Variants in ITSN2 observed in about 807,000 individuals in gnomAD.
ITSN2 encodes intersectin 2.
A neutral mutation model predicts 243.7 loss-of-function variants in ITSN2; 156 were observed. The observed-to-expected ratio is 0.64, with a 90% CI of 0.56 to 0.73. The LOEUF (loss-of-function observed/expected upper bound fraction) is 0.73, where lower values mean the gene tolerates loss of function less well. Ranked by LOEUF, ITSN2 falls within the 30% of genes least tolerant of loss-of-function variation. ITSN2 has a pLI of 0.00. For missense variants in ITSN2, 1,801 were observed against 1,996.1 expected (o/e 0.90, Z 1.86); for synonymous variants, 703 against 699.9 (o/e 1.00, Z -0.07).
intron 1 of ITSN2, among the ~76,000 whole-genome samples, chr2:24,350,757 T>C (rs977482675): frequency 5.3e-5 from 8 of 152,166 alleles, no homozygotes; most frequent in Non-Finnish European, 8.8e-5. Flanking sequence ...AAAGACCATA[T>C]ATTGTATAAT....
intron 20 of ITSN2, among the ~76,000 whole-genome samples, chr2:24,267,860 C>CT (rs1254685035): frequency 6.6e-6 from 1 of 152,158 alleles, no homozygotes; most frequent in Non-Finnish European, 1.5e-5. Context: ...TGGCCAAAAG[C>CT]TTTTAAAAGT....
intron 1 of ITSN2, among the ~76,000 whole-genome samples, chr2:24,346,611 T>C (rs1178074366): frequency 6.6e-6 from 1 of 152,190 alleles, no homozygotes; most frequent in African/African-American, 2.4e-5. Context: ...ATTCCTAACA[T>C]ATGTACCATA....
chr2:24,331,430 T>G (rs531901115), intron 1 of ITSN2, among the ~76,000 whole-genome samples: 2 of 152,140 alleles, frequency 1.3e-5, no homozygotes, highest in African/African-American at 2.4e-5. Context: ...TTGTTGTTTT[T>G]GGGGGAAGGG....
Position 24,208,380 on chromosome 2 carries a change from C to T in ITSN2, c.4596-61G>A, listed in dbSNP as rs1669132438. 4 of 1,245,126 alleles carry T rather than the reference C, an allele frequency of 3.2e-6. No homozygotes were observed. The Middle Eastern group carries it at 7.6e-4, about 236-fold the overall frequency. The allele number at this position is 1,245,126 out of a possible 1,614,324, so 77.1% of individuals were successfully genotyped here. On this transcript the variant is annotated intron_variant, in intron 36 of 39. Coordinates refer to ENST00000355123, the MANE Select transcript of ITSN2 (RefSeq NM_006277.3). The stretch of plus-strand genomic sequence containing the variant: ...CCACCCTCACAGGTCAGCGTGGAGC[C>T]CCAGAGCTCTGCACATGTTCTTCAG...
intron 17 of ITSN2, among the ~76,000 whole-genome samples, chr2:24,281,796 C>T (rs1267678023): frequency 6.6e-6 from 1 of 152,204 alleles, no homozygotes; most frequent in Admixed American, 6.5e-5. Flanking sequence ...AGCTATAAAC[C>T]TTGCCTCATT....
intron 31 of ITSN2, 40 bp from the exon 32 acceptor site, chr2:24,216,272 T>A: frequency 1.3e-6 from 2 of 1,487,874 alleles, no homozygotes; most frequent in East Asian, 2.5e-5. Context: ...TCTAAGTGAA[T>A]GACTTAGGTA....
intron 22 of ITSN2, among the ~76,000 whole-genome samples, chr2:24,259,754 CT>C (rs1675561189): frequency 6.6e-6 from 1 of 152,152 alleles, no homozygotes; most frequent in African/African-American, 2.4e-5. Flanking sequence ...ATACCTTGCC[CT>C]TTGTGAAGGC....
At chr2:24,264,697 T>TACACACACACAC (rs55826835) in intron 20 of ITSN2, among the ~76,000 whole-genome samples, 5 of 49,970 alleles carry the variant, frequency 1.0e-4, no homozygotes, top group Admixed American at 2.1e-4. Flanking sequence ...CTGTTGTTTA[T>TACACACACACAC]ACACACACAC....
intron 4 of ITSN2, among the ~76,000 whole-genome samples, chr2:24,313,082 CTTT>C (rs11442221): frequency 1.5e-5 from 2 of 134,000 alleles, no homozygotes; most frequent in African/African-American, 2.7e-5. Flanking sequence ...GAAGAAATAC[CTTT>C]TTTTTTTTTT....
At chr2:24,328,906 A>T (rs1558637019) in intron 1 of ITSN2, among the ~76,000 whole-genome samples, 1 of 152,212 alleles carries the variant, frequency 6.6e-6, no homozygotes, top group African/African-American at 2.4e-5. Context: ...TACATATATA[A>T]CATAACTAAA....
intron 1 of ITSN2, among the ~76,000 whole-genome samples, chr2:24,359,962 G>A (rs1276367489): frequency 1.3e-5 from 2 of 152,274 alleles, no homozygotes; most frequent in Admixed American, 6.5e-5. Flanking sequence ...AAGCGAGGGG[G>A]CCACGCCACC....
chr2:24,271,548 T>G (rs1248626399), intron 19 of ITSN2, among the ~76,000 whole-genome samples: 1 of 152,222 alleles, frequency 6.6e-6, no homozygotes, highest in Admixed American at 6.5e-5. Flanking sequence ...AGTAACTATC[T>G]TCTTTTCTCC....
intron 1 of ITSN2, among the ~76,000 whole-genome samples, chr2:24,345,450 T>C (rs1376163017): frequency 2.0e-5 from 3 of 152,214 alleles, no homozygotes; most frequent in African/African-American, 4.8e-5. Flanking sequence ...AACGTATATA[T>C]ACCCATATGT....
At chr2:24,262,501 A>G (rs911519988) in intron 20 of ITSN2, among the ~76,000 whole-genome samples, 4 of 152,190 alleles carry the variant, frequency 2.6e-5, no homozygotes, top group Non-Finnish European at 4.4e-5. Context: ...CTTCTCCCAG[A>G]CATTTTCATC....
At chr2:24,258,528 C>T (rs1675362042) in intron 22 of ITSN2, among the ~76,000 whole-genome samples, 1 of 152,152 alleles carries the variant, frequency 6.6e-6, no homozygotes, top group Admixed American at 6.5e-5. Context: ...TTAACTTCCT[C>T]CTATTCTATT....
chr2:24,328,105 C>T lies in ITSN2; in HGVS notation c.-23G>A. On this transcript the variant is annotated 5_prime_UTR_variant, in exon 2 of 40. Coordinates refer to ENST00000355123, the MANE Select transcript of ITSN2 (RefSeq NM_006277.3). ...CATGGTCCTGAGTTTTCCTTGCTAGCTCTCAGCCATCTGCAACATAAAAAT... is the reference window on the plus strand; with the variant it reads ...CATGGTCCTGAGTTTTCCTTGCTAGTTCTCAGCCATCTGCAACATAAAAAT... 1 of 1,613,050 alleles carries T rather than the reference C, an allele frequency of 6.2e-7. No individual in the cohort carries two copies. Among genetic ancestry groups the T allele is most frequent in the Non-Finnish European group, 8.5e-7 (1 of 1,179,202 alleles).
rs1175209546 is a variant in ITSN2, at chr2:24,339,450, GAC to G, written c.-33-11337_-33-11336del. ...TGCGCCACTGCACTCCAGCCTGAGCGACAGAGTGAGACGCCGTCTCAAAAAAA... is the reference window on the plus strand; with the variant it reads ...TGCGCCACTGCACTCCAGCCTGAGCGAGAGTGAGACGCCGTCTCAAAAAAA... On this transcript the variant is annotated intron_variant, in intron 1 of 39. Transcript: ENST00000355123. Among the ~76,000 whole-genome samples the G allele has an allele frequency of 6.9e-5, 10 of 145,316 alleles. No homozygotes were observed. In the South Asian group the frequency reaches 1.3e-3, roughly 19 times the overall value.
chr2:24,276,943 G>GA (rs1558537484), intron 17 of ITSN2, among the ~76,000 whole-genome samples: 1 of 152,078 alleles, frequency 6.6e-6, no homozygotes, highest in Non-Finnish European at 1.5e-5. Flanking sequence ...AATCAACTCA[G>GA]AAAAAAGAGA....
At chr2:24,303,021 C>T (rs1423441655) in intron 9 of ITSN2, among the ~76,000 whole-genome samples, 1 of 152,204 alleles carries the variant, frequency 6.6e-6, no homozygotes, top group Non-Finnish European at 1.5e-5. Context: ...AAACATACTG[C>T]ACTGCCAGCT....
Sources: allele counts gnomAD v4.1 joint callset (sites outside exome capture counted in the v4.1 genomes callset), GRCh38; gene constraint gnomAD v4.1.1; transcripts MANE v1.5; gene names NCBI Gene and HGNC (gene_info 2026-07-23, HGNC 2026-07-21).